PAPPA2: variants seen among roughly 807,000 people sequenced by gnomAD.
PAPPA2 encodes the protein pappalysin 2, also known as pappalysin-2.
A neutral mutation model predicts 176.4 loss-of-function variants in PAPPA2; 86 were observed. The ratio of observed to expected loss-of-function variants is 0.49; its 90% CI spans 0.41 to 0.58. PAPPA2 has a LOEUF of 0.58. PAPPA2 is among the 20% of genes least tolerant of loss of function. The pLI, the probability that PAPPA2 is intolerant of heterozygous loss-of-function variation, is 0.00. For missense variants in PAPPA2, 2,073 were observed against 2,256.9 expected, an observed-to-expected ratio of 0.92 and a Z score of 1.65; for synonymous variants, 809 against 852.2, an observed-to-expected ratio of 0.95 and a Z score of 0.88.
chr1:176,840,853 G>A lies in PAPPA2; in HGVS notation c.5301+582G>A, dbSNP rs558348589. ...ATAAGCTGAAACTTTGCAATAATAT[G>A]GGTAAAAATCTAAGTGCTCCAAAGA... is the stretch of plus-strand genomic sequence containing the variant. On this transcript the variant is annotated intron_variant, in intron 22 of 22. Transcript: ENST00000367662. Among the ~76,000 whole-genome samples, 3 of 152,240 alleles carry A rather than the reference G, an allele frequency of 2.0e-5. No individual in the cohort carries two copies. The East Asian group carries it at 5.8e-4, about 29-fold the overall frequency.
Position 176,842,714 on chromosome 1 carries a change from T to G in PAPPA2, c.*260T>G. The G allele has an allele frequency of 2.2e-6, 1 of 463,248 alleles. No individual in the cohort carries two copies. Among genetic ancestry groups the G allele is most frequent in the Non-Finnish European group, 3.9e-6 (1 of 255,386 alleles). The allele number at this position is 463,248 out of a possible 1,614,324, so 28.7% of individuals were successfully genotyped here. A position where few individuals can be genotyped will look rare whatever the true frequency, so the allele number is the denominator to read the frequency against. On this transcript the variant is annotated 3_prime_UTR_variant, in exon 23 of 23. Coordinates refer to ENST00000367662, the MANE Select transcript of PAPPA2 (RefSeq NM_020318.3). ...AACATGGAAGGGGAAATATGATAGA[T>G]ATATAAGGACCCTCCTCCCTCACTT...
intron 1 of PAPPA2, among the ~76,000 whole-genome samples, chr1:176,487,393 T>G (rs1264285892): frequency 6.6e-6 from 1 of 152,234 alleles, no homozygotes; most frequent in Non-Finnish European, 1.5e-5. Context: ...GAAGACCTGA[T>G]GACCTTGCTA....
intron 1 of PAPPA2, among the ~76,000 whole-genome samples, chr1:176,531,157 A>C (rs1274140409): frequency 6.6e-6 from 1 of 152,228 alleles, no homozygotes; most frequent in African/African-American, 2.4e-5. Flanking sequence ...GAGTGTTCAC[A>C]CCAACACAGT....
At chr1:176,831,999 G>A (rs1667097785) in intron 21 of PAPPA2, among the ~76,000 whole-genome samples, 1 of 152,194 alleles carries the variant, frequency 6.6e-6, no homozygotes, top group Non-Finnish European at 1.5e-5. Flanking sequence ...GAGGCTCTCA[G>A]GGATGGAGCA....
chr1:176,631,184 T>A (rs1233319925), intron 3 of PAPPA2, among the ~76,000 whole-genome samples: 1 of 152,228 alleles, frequency 6.6e-6, no homozygotes, highest in East Asian at 1.9e-4. Context: ...ATACAGTTTA[T>A]CTATACAGTG....
At chr1:176,474,453 G>C (rs547841070) in intron 1 of PAPPA2, among the ~76,000 whole-genome samples, 13 of 152,194 alleles carry the variant, frequency 8.5e-5, no homozygotes, top group Non-Finnish European at 1.6e-4. Flanking sequence ...GGGAAATGTA[G>C]GAAATGAGCT....
chr1:176,591,892 A>C (rs1653689795), intron 2 of PAPPA2, among the ~76,000 whole-genome samples: 1 of 152,224 alleles, frequency 6.6e-6, no homozygotes, highest in Non-Finnish European at 1.5e-5. Context: ...CTTACCATTG[A>C]TATCAATCTT....
chr1:176,690,824 G>A lies in PAPPA2; in HGVS notation c.2431+394G>A, dbSNP rs142599526. The A allele has an allele frequency of 1.1e-5, 11 of 1,007,208 alleles. No individual in the cohort carries two copies. The East Asian group carries it at 9.6e-4, about 88-fold the overall frequency. 62.4% of individuals were successfully genotyped at this position (1,007,208 alleles called of 1,614,324 possible). ...GGAAATAAAGGAAAAGAGTTTATGG[G>A]TCAAGGTGGCCCATTGTACTGTTTT... On this transcript the variant is annotated intron_variant, in intron 5 of 22. Transcript: ENST00000367662.
intron 1 of PAPPA2, among the ~76,000 whole-genome samples, chr1:176,488,704 C>T (rs777483756): frequency 1.3e-5 from 2 of 152,160 alleles, no homozygotes; most frequent in Non-Finnish European, 2.9e-5. Context: ...CATGGTTGTT[C>T]ATGGGCTTGA....
chr1:176,690,457 C>T (rs755217082), intron 5 of PAPPA2, 27 bp downstream of exon 5: 2 of 1,606,012 alleles, frequency 1.2e-6, no homozygotes, highest in Middle Eastern at 1.7e-4. Flanking sequence ...GTTTTGTTTT[C>T]TGTTAAGAAT....
rs746629233 is a variant in PAPPA2, at chr1:176,556,884, C to G, written c.562C>G (p.Gln188Glu). 6.2e-7 allele frequency: 1 copy of G among 1,614,096 alleles called. No homozygotes were observed. ...CCTGAACGAACCCAAACCAGAGACC[C>G]AAAGGAGGGGCTGGGCCAAGTCCAG... ...TTLNEPKPET[Q>E]RRGWAKSRQR... The change falls in exon 2 of 23, where the codon CAA (glutamine) becomes GAA (glutamate). Residue 188 changes from glutamine to glutamate, a missense_variant. This residue lies in a region of PAPPA2 where 1,196 missense variants were observed against 1,330.4 expected (regional missense o/e 0.90). Coordinates refer to ENST00000367662, the MANE Select transcript of PAPPA2 (RefSeq NM_020318.3).
chr1:176,480,099 G>A (rs1652319489), intron 1 of PAPPA2, among the ~76,000 whole-genome samples: 1 of 152,196 alleles, frequency 6.6e-6, no homozygotes, highest in Non-Finnish European at 1.5e-5. Context: ...CTGCTGGAGA[G>A]AAGCCGGCTG....
Position 176,742,617 on chromosome 1 carries a change from T to G in PAPPA2, c.4151+2421T>G, listed in dbSNP as rs536361164. Among the ~76,000 whole-genome samples the G allele has an allele frequency of 3.9e-5, 6 of 152,302 alleles. No homozygotes were observed. The South Asian group carries it at 1.2e-3, about 32-fold the overall frequency. ...CAGCCAGCAAATCAGTACAATGTAGTAAATTTTGATATACCGGGAGCCTGG... is the reference window on the plus strand; with the variant it reads ...CAGCCAGCAAATCAGTACAATGTAGGAAATTTTGATATACCGGGAGCCTGG... On this transcript the variant is annotated intron_variant, in intron 14 of 22. Coordinates refer to ENST00000367662, the MANE Select transcript of PAPPA2 (RefSeq NM_020318.3).
At chr1:176,676,936 A>G (rs574437224) in intron 4 of PAPPA2, among the ~76,000 whole-genome samples, 1 of 152,262 alleles carries the variant, frequency 6.6e-6, no homozygotes, top group East Asian at 1.9e-4. Context: ...CTGACTTATA[A>G]TGGAATTGCA....
intron 3 of PAPPA2, among the ~76,000 whole-genome samples, chr1:176,656,853 C>T (rs1196250849): frequency 6.6e-6 from 1 of 151,594 alleles, no homozygotes; most frequent in South Asian, 2.1e-4. Context: ...GAACTCTAGA[C>T]TTTCTGTTTT....
chr1:176,585,817 C>T (rs1028650107), intron 2 of PAPPA2, among the ~76,000 whole-genome samples: 7 of 152,010 alleles, frequency 4.6e-5, no homozygotes, highest in East Asian at 3.8e-4. Context: ...AATTATCCAG[C>T]GTCAAGATAT....
chr1:176,709,402 A>C (rs2102831954), intron 10 of PAPPA2, among the ~76,000 whole-genome samples: 1 of 152,236 alleles, frequency 6.6e-6, no homozygotes, highest in Admixed American at 6.5e-5. Context: ...GGTTGTCCTA[A>C]GACTAAAAAA....
At position 176,711,932 on chromosome 1, in the gene PAPPA2, G is replaced by A. The variant is rs779356289; in HGVS notation, c.3749G>A (p.Ser1250Asn). Residue 1250 changes from serine to asparagine, a missense_variant, in exon 12 of 23, where the codon AGT (serine) becomes AAT (asparagine). Coordinates refer to ENST00000367662, the MANE Select transcript of PAPPA2 (RefSeq NM_020318.3). Reference protein sequence around the residue: ...ASENETQDDRSEQPEGSLKKE... With the variant: ...ASENETQDDRNEQPEGSLKKE... ...GAAAATGAAACTCAGGATGACAGGAGTGAACAGCCAGAAGGTAGCCTGAAG... is the reference window on the plus strand; with the variant it reads ...GAAAATGAAACTCAGGATGACAGGAATGAACAGCCAGAAGGTAGCCTGAAG... 6 of 1,613,782 alleles carry A rather than the reference G, an allele frequency of 3.7e-6. No homozygotes were observed. In the Admixed American group the frequency reaches 5.0e-5, roughly 13 times the overall value.
At chr1:176,776,108 C>T (rs892100714) in intron 17 of PAPPA2, among the ~76,000 whole-genome samples, 2 of 152,154 alleles carry the variant, frequency 1.3e-5, no homozygotes, top group African/African-American at 4.8e-5. Flanking sequence ...TCTGCTGTTT[C>T]ATTAACCTGA....
Sources: gnomAD v4.1 joint callset for allele counts (sites outside exome capture counted in the v4.1 genomes callset) on GRCh38, gnomAD v4.1.1 for gene constraint, gnomAD v4.1.1 regional missense constraint, MANE v1.5 for transcripts, NCBI Gene and HGNC (gene_info 2026-07-23, HGNC 2026-07-21) for gene names.